KCNIP1: variants seen among roughly 807,000 people sequenced by gnomAD.
KCNIP1 encodes potassium voltage-gated channel interacting protein 1.
A neutral mutation model predicts 33.0 loss-of-function variants in KCNIP1; 18 were observed. The observed-to-expected ratio is 0.55, with a 90% confidence interval of 0.38 to 0.81. The LOEUF (loss-of-function observed/expected upper bound fraction) is 0.81, where lower values mean the gene tolerates loss of function less well. KCNIP1 is among the 30% of genes least tolerant of loss of function. KCNIP1 has a pLI of 0.00. For synonymous variants in KCNIP1, 93 were observed against 98.3 expected, an observed-to-expected ratio of 0.95 and a Z score of 0.32; for missense variants, 238 against 271.6, an observed-to-expected ratio of 0.88 and a Z score of 0.87.
Position 170,653,828 on chromosome 5 carries a change from T to C in KCNIP1, c.62-64930T>C, listed in dbSNP as rs535546202. Among the ~76,000 whole-genome samples, 5 of 152,178 alleles carry C rather than the reference T, an allele frequency of 3.3e-5. No homozygotes were observed. In the East Asian group the frequency reaches 7.8e-4, roughly 24 times the overall value. On this transcript the variant is annotated intron_variant, in intron 1 of 7. Coordinates refer to ENST00000328939, the MANE Select transcript of KCNIP1 (RefSeq NM_014592.4). Reference sequence around the variant, plus strand: ...CCCAGGAGAGGGTGACTTGATGCCCTTAGCTCCAGCCTTCCACTCCCACCC... The same window carrying C: ...CCCAGGAGAGGGTGACTTGATGCCCCTAGCTCCAGCCTTCCACTCCCACCC...
At chr5:170,560,280 C>T (rs1158710567) in intron 1 of KCNIP1, among the ~76,000 whole-genome samples, 6 of 152,270 alleles carry the variant, frequency 3.9e-5, no homozygotes, top group African/African-American at 7.2e-5. Flanking sequence ...GCCAGCGAGA[C>T]GTACATGCCC....
chr5:170,443,798 A>C (rs1399648965), intron 1 of KCNIP1, among the ~76,000 whole-genome samples: 1 of 152,180 alleles, frequency 6.6e-6, no homozygotes, highest in African/African-American at 2.4e-5. Context: ...TGCAGGAGCC[A>C]TGGAGGGGCT....
chr5:170,461,317 A>C (rs1366942669), intron 1 of KCNIP1, among the ~76,000 whole-genome samples: 2 of 152,200 alleles, frequency 1.3e-5, no homozygotes, highest in African/African-American at 4.8e-5. Flanking sequence ...CAGTCTTAAA[A>C]TTCACATGGA....
Position 170,539,309 on chromosome 5 carries a change from C to G in KCNIP1, c.61+34676C>G, listed in dbSNP as rs1353655779. ...CCAGCATGAAACTGGGACATTTCCT[C>G]TGGTCCTTGGAGTGAAATCCACACT... On this transcript the variant is annotated intron_variant, in intron 1 of 7. Transcript: ENST00000328939. 2.0e-5 allele frequency among the ~76,000 whole-genome samples: 3 copies of G among 152,286 alleles called. No individual in the cohort carries two copies. In the East Asian group the frequency reaches 5.8e-4, roughly 29 times the overall value.
intron 1 of KCNIP1, among the ~76,000 whole-genome samples, chr5:170,585,234 G>A (rs1440599313): frequency 6.6e-6 from 1 of 152,164 alleles, no homozygotes; most frequent in African/African-American, 2.4e-5. Context: ...AATGTCACAG[G>A]TAGCAGTGTC....
At chr5:170,390,515 C>G (rs10067772) in intron 1 of KCNIP1, among the ~76,000 whole-genome samples, 1 of 68,292 alleles carries the variant, frequency 1.5e-5, no homozygotes, top group Non-Finnish European at 2.8e-5. Flanking sequence ...AAAAAAAAAA[C>G]AAATATATAT....
chr5:170,526,292 GC>G (rs1470797154), intron 1 of KCNIP1, among the ~76,000 whole-genome samples: 1 of 152,326 alleles, frequency 6.6e-6, no homozygotes, highest in East Asian at 1.9e-4. Flanking sequence ...ACTCAATAAT[GC>G]CAGCTATGTT....
intron 1 of KCNIP1, among the ~76,000 whole-genome samples, chr5:170,628,769 G>T (rs1759937522): frequency 6.6e-6 from 1 of 152,214 alleles, no homozygotes; most frequent in South Asian, 2.1e-4. Flanking sequence ...CGCGCTTCTG[G>T]CAGGGGAGCT....
intron 1 of KCNIP1, among the ~76,000 whole-genome samples, chr5:170,363,446 C>T (rs1357035647): frequency 6.6e-6 from 1 of 152,074 alleles, no homozygotes; most frequent in African/African-American, 2.4e-5. Context: ...GGGGAAGAGA[C>T]CAGGAGTACA....
At chr5:170,681,177 G>A (rs1402207926) in intron 1 of KCNIP1, 5 of 398,998 alleles carry the variant, frequency 1.3e-5, no homozygotes, top group African/African-American at 4.1e-5. Flanking sequence ...CTTGTCAGAC[G>A]GTAAGCGAAC....
intron 1 of KCNIP1, among the ~76,000 whole-genome samples, chr5:170,365,444 G>A (rs1763634423): frequency 6.6e-6 from 1 of 152,214 alleles, no homozygotes; most frequent in African/African-American, 2.4e-5. Flanking sequence ...ACCATCCTAA[G>A]AACAGCCCTC....
chr5:170,416,468 T>C (rs1755332538), intron 1 of KCNIP1, among the ~76,000 whole-genome samples: 1 of 152,170 alleles, frequency 6.6e-6, no homozygotes, highest in Non-Finnish European at 1.5e-5. Flanking sequence ...TCATTCCTGG[T>C]CAAACCATGC....
intron 1 of KCNIP1, among the ~76,000 whole-genome samples, chr5:170,367,128 G>A (rs1763684913): frequency 6.6e-6 from 1 of 151,930 alleles, no homozygotes; most frequent in African/African-American, 2.4e-5. Flanking sequence ...AGACCATTCT[G>A]ACCACAGCGA....
At chr5:170,358,299 A>C (rs1007979141) in intron 1 of KCNIP1, among the ~76,000 whole-genome samples, 1 of 152,074 alleles carries the variant, frequency 6.6e-6, no homozygotes, top group East Asian at 1.9e-4. Flanking sequence ...GGAAGATGAG[A>C]TCTATCTCAA....
intron 1 of KCNIP1, among the ~76,000 whole-genome samples, chr5:170,657,354 G>A (rs777800459): frequency 1.1e-4 from 17 of 152,094 alleles, no homozygotes; most frequent in Non-Finnish European, 2.4e-4. Context: ...CCAAGACCTG[G>A]GAAATGAGGG....
rs147252447 is a variant in KCNIP1, at chr5:170,456,699, C to T, written c.88+102735C>T. 1.4e-3 allele frequency among the ~76,000 whole-genome samples: 31 copies of T among 22,322 alleles called. 1 individual carries two copies. The highest frequency in any genetic ancestry group is 0.011 in the East Asian group (6 of 560). The allele number at this position is 22,322 out of a possible 152,430, so 14.6% of individuals were successfully genotyped here. ...TCTTTCTTTCTTTCTCTCTCTCTCT[C>T]TTTTTCTTTCTTTCTTTCTTTCTTT... On this transcript the variant is annotated intron_variant, in intron 1 of 7. Transcript: ENST00000377360.
chr5:170,621,403 T>C (rs1759596202), intron 1 of KCNIP1, among the ~76,000 whole-genome samples: 1 of 152,144 alleles, frequency 6.6e-6, no homozygotes, highest in Non-Finnish European at 1.5e-5. Context: ...AGAGAGGGCA[T>C]TCTCACTTGT....
chr5:170,410,712 G>A (rs937725418), intron 1 of KCNIP1, among the ~76,000 whole-genome samples: 2 of 152,162 alleles, frequency 1.3e-5, no homozygotes, highest in Admixed American at 1.3e-4. Flanking sequence ...GAGGAAGGGA[G>A]AAAATTAAAT....
At chr5:170,674,640 A>C (rs888028684) in intron 1 of KCNIP1, among the ~76,000 whole-genome samples, 1 of 152,332 alleles carries the variant, frequency 6.6e-6, no homozygotes, top group South Asian at 2.1e-4. Flanking sequence ...TTGGGAGAGT[A>C]GGTTCTGAAA....
Sources: gnomAD v4.1 joint callset for allele counts (sites outside exome capture counted in the v4.1 genomes callset) on GRCh38, gnomAD v4.1.1 for gene constraint, MANE v1.5 for transcripts, NCBI Gene and HGNC (gene_info 2026-07-23, HGNC 2026-07-21) for gene names.